Variants in NPM1 observed in about 807,000 individuals in gnomAD.
NPM1 encodes the protein nucleophosmin.
A neutral mutation model predicts 44.1 loss-of-function variants in NPM1; 1 was observed. The ratio of observed to expected loss-of-function variants is 0.02; its 90% CI spans 0.01 to 0.11. The LOEUF is 0.11. Among genes scored for constraint, NPM1 ranks in the 10% least tolerant of loss-of-function variants. The pLI is 1.00. For synonymous variants in NPM1, 126 were observed against 111.8 expected (o/e 1.13, Z -0.80); for missense variants, 197 against 347.8 (o/e 0.57, Z 3.45).
chr5:171,389,369 T>G (rs1443121590), intron 1 of NPM1, among the ~76,000 whole-genome samples: 2 of 152,252 alleles, frequency 1.3e-5, no homozygotes, highest in Non-Finnish European at 2.9e-5. Flanking sequence ...TTGAAGAATT[T>G]TGCCCATTCA....
At chr5:171,408,725 C>G (rs1771685846) in intron 10 of NPM1, among the ~76,000 whole-genome samples, 1 of 152,108 alleles carries the variant, frequency 6.6e-6, no homozygotes, top group Admixed American at 6.5e-5. Context: ...GAATACTAAA[C>G]ATTGATTAAT....
intron 10 of NPM1, among the ~76,000 whole-genome samples, chr5:171,408,759 G>A (rs77979529): frequency 0.015 from 2,229 of 152,196 alleles, 46 homozygotes; most frequent in African/African-American, 0.05. Context: ...GAAACTCCGC[G>A]TTATGCAACT....
intron 1 of NPM1, among the ~76,000 whole-genome samples, chr5:171,389,395 CAT>C (rs890854062): frequency 2.5e-4 from 38 of 152,226 alleles, no homozygotes; most frequent in African/African-American, 7.2e-4. Context: ...TGAGAGTAGA[CAT>C]ATGTATTCAA....
intron 9 of NPM1, chr5:171,407,120 C>T (rs1483103086): frequency 2.0e-5 from 3 of 152,664 alleles, no homozygotes; most frequent in African/African-American, 7.2e-5. Flanking sequence ...ATTTTTTCCC[C>T]TATTGTAGTT....
At chr5:171,389,197 CT>C (rs34966931) in intron 1 of NPM1, among the ~76,000 whole-genome samples, 4,076 of 152,298 alleles carry the variant, frequency 0.027, 133 homozygotes, top group East Asian at 0.081. Context: ...ACTATTCAGA[CT>C]TTGAAGTAAA....
At chr5:171,392,233 G>C (rs1770612927) in intron 4 of NPM1, among the ~76,000 whole-genome samples, 1 of 152,138 alleles carries the variant, frequency 6.6e-6, no homozygotes, top group Admixed American at 6.5e-5. Context: ...CAGCCACTGT[G>C]CCTGGCCTAA....
chr5:171,409,529 T>A (rs1188772236), intron 10 of NPM1, among the ~76,000 whole-genome samples: 1 of 152,044 alleles, frequency 6.6e-6, no homozygotes, highest in Non-Finnish European at 1.5e-5. Context: ...GGTGGCAGAG[T>A]GAGAGTCTAT....
intron 6 of NPM1, among the ~76,000 whole-genome samples, chr5:171,393,305 A>C (rs1425709553): frequency 6.6e-6 from 1 of 152,212 alleles, no homozygotes; most frequent in African/African-American, 2.4e-5. Flanking sequence ...GGTATGTTTT[A>C]TGGTGAGCAG....
chr5:171,402,330 CTAT>C (rs1303068942), intron 8 of NPM1, among the ~76,000 whole-genome samples: 4 of 151,088 alleles, frequency 2.6e-5, no homozygotes, highest in Non-Finnish European at 5.9e-5. Context: ...GTCAGAATAG[CTAT>C]TATTAAAAAC....
At chr5:171,388,154 G>A (rs1381966133) in intron 1 of NPM1, 148 bp downstream of exon 1, 2 of 744,134 alleles carry the variant, frequency 2.7e-6, no homozygotes, top group Non-Finnish European at 4.5e-6. Context: ...AGCTGCCTGA[G>A]CCCTGGACCT....
chr5:171,389,161 A>G (rs1770439327), intron 1 of NPM1, among the ~76,000 whole-genome samples: 1 of 152,214 alleles, frequency 6.6e-6, no homozygotes, highest in South Asian at 2.1e-4. Flanking sequence ...TCTCAGTAGG[A>G]TTAATTGCAG....
intron 8 of NPM1, among the ~76,000 whole-genome samples, chr5:171,404,748 G>C (rs1325891856): frequency 6.8e-6 from 1 of 147,708 alleles, no homozygotes; most frequent in Non-Finnish European, 1.5e-5. Context: ...GCCGGGCAGA[G>C]GCTGCAATCT....
At chr5:171,390,532 A>G (rs966037412) in intron 2 of NPM1, among the ~76,000 whole-genome samples, 1 of 152,182 alleles carries the variant, frequency 6.6e-6, no homozygotes, top group Non-Finnish European at 1.5e-5. Context: ...TGAGAAACTG[A>G]TTTGCCAAGA....
chr5:171,410,847 T>C lies in NPM1; in HGVS notation c.*282T>C. ...CATGGAAATGGTGGGGAGACAAAAA[T>C]ATACATGTGAAATAAAACTCAGTAT... On this transcript the variant is annotated 3_prime_UTR_variant, in exon 11 of 11. Transcript: ENST00000296930. 3.2e-6 allele frequency: 1 copy of C among 314,758 alleles called. No individual in the cohort carries two copies. Among genetic ancestry groups the C allele is most frequent in the Non-Finnish European group, 5.8e-6 (1 of 172,486 alleles). 19.5% of individuals were successfully genotyped at this position (314,758 alleles called of 1,614,324 possible). A position where few individuals can be genotyped will look rare whatever the true frequency, so the allele number is the denominator to read the frequency against.
In NPM1 at chr5:171,405,418, C is replaced by T. The variant is rs765175842; in HGVS notation, c.771+15C>T. On this transcript the variant is annotated intron_variant, in intron 9 of 10. Transcript: ENST00000296930. ...GTATAGAAAAAGTGAGTAAAGTTAT[C>T]TTAAAAAAACTTTGTCTCCCCCCTC... is the stretch of plus-strand genomic sequence containing the variant. 1.6e-6 allele frequency: 2 copies of T among 1,212,388 alleles called. No homozygotes were observed. The highest frequency in any genetic ancestry group is 1.9e-5 in the Admixed American group (1 of 52,228). 75.1% of individuals were successfully genotyped at this position (1,212,388 alleles called of 1,614,324 possible).
chr5:171,388,045 C>T (rs1263181418), intron 1 of NPM1, 39 bp downstream of exon 1: 9 of 1,549,298 alleles, frequency 5.8e-6, no homozygotes, highest in African/African-American at 1.4e-5. Flanking sequence ...CCGAGCGGGG[C>T]CTGGTGGCGG....
At chr5:171,393,072 A>G (rs534786567) in intron 6 of NPM1, 94 bp downstream of exon 6, 278 of 1,472,788 alleles carry the variant, frequency 1.9e-4, no homozygotes, top group Non-Finnish European at 2.4e-4. Context: ...TATAAAAGTC[A>G]TTTACAAAAA....
At position 171,399,683 on chromosome 5, in the gene NPM1, A is replaced by ATTTT. The variant is rs373293546; in HGVS notation, c.525-462_525-459dup. The stretch of plus-strand genomic sequence containing the variant: ...TGGAATGTTTCTATTTAGGTCTTTA[A>ATTTT]TTTTTTTTTTTAACACAAATTCACT... On this transcript the variant is annotated intron_variant, in intron 6 of 10. Transcript: ENST00000296930. Among the ~76,000 whole-genome samples, 177 of 150,396 alleles carry ATTTT rather than the reference A, an allele frequency of 1.2e-3. 2 individuals are homozygous for ATTTT. Among genetic ancestry groups the ATTTT allele is most frequent in the South Asian group, 3.6e-3 (17 of 4,764 alleles).
chr5:171,391,561 T>C, intron 3 of NPM1, 137 bp downstream of exon 3: 9 of 1,231,822 alleles, frequency 7.3e-6, no homozygotes, highest in Non-Finnish European at 1.0e-5. Flanking sequence ...TGGTCAACTC[T>C]TGAACATGGG....
Sources: allele counts gnomAD v4.1 joint callset (sites outside exome capture counted in the v4.1 genomes callset), GRCh38; gene constraint gnomAD v4.1.1; transcripts MANE v1.5; gene names NCBI Gene and HGNC (gene_info 2026-07-23, HGNC 2026-07-21).